The following ANO4 variants were observed in gnomAD, a reference collection of about 807,000 sequenced individuals.
ANO4 encodes anoctamin-4.
A neutral mutation model predicts 141.9 loss-of-function variants in ANO4; 69 were observed. That is an observed-to-expected ratio of 0.49 (90% CI 0.40 to 0.59). The LOEUF (loss-of-function observed/expected upper bound fraction) is 0.59. Ranked by LOEUF, ANO4 falls within the 20% of genes least tolerant of loss-of-function variation. ANO4 has a pLI of 0.00. For missense variants in ANO4, 894 were observed against 1,162.2 expected (o/e 0.77, Z 3.36); for synonymous variants, 350 against 394.3 (o/e 0.89, Z 1.33).
chr12:101,023,201 C>T (rs894392435), intron 9 of ANO4, among the ~76,000 whole-genome samples: 6 of 152,196 alleles, frequency 3.9e-5, no homozygotes, highest in Middle Eastern at 3.4e-3. Context: ...CCTAATTTTG[C>T]GTCTCAAAAT....
rs1336657842 is a variant in ANO4, at chr12:101,108,434, A to C, written c.2150-1970A>C. Reference sequence around the variant, plus strand: ...TTACTTAACTTGTTTTGGGCAAGTTACCTGACCTCTTTGTGCGTCGGTTTC... The same window carrying C: ...TTACTTAACTTGTTTTGGGCAAGTTCCCTGACCTCTTTGTGCGTCGGTTTC... On this transcript the variant is annotated intron_variant, in intron 22 of 27. Coordinates refer to ENST00000392977, the MANE Select transcript of ANO4 (RefSeq NM_001286615.2). Among the ~76,000 whole-genome samples, 4 of 152,142 alleles carry C rather than the reference A, an allele frequency of 2.6e-5. No individual in the cohort carries two copies. The East Asian group carries it at 7.7e-4, about 29-fold the overall frequency.
At chr12:101,046,713 A>G (rs1373023182) in intron 13 of ANO4, among the ~76,000 whole-genome samples, 1 of 151,990 alleles carries the variant, frequency 6.6e-6, no homozygotes, top group African/African-American at 2.4e-5. Flanking sequence ...CCTCATTCAT[A>G]TATTGTCAAA....
intron 2 of ANO4, among the ~76,000 whole-genome samples, chr12:100,917,952 C>T (rs1207816443): frequency 3.3e-5 from 5 of 152,156 alleles, no homozygotes; most frequent in Non-Finnish European, 7.4e-5. Context: ...TATTTTCAGT[C>T]TTAAATCCTG....
intron 7 of ANO4, among the ~76,000 whole-genome samples, chr12:100,985,409 A>G (rs1438867927): frequency 2.0e-5 from 3 of 152,228 alleles, no homozygotes; most frequent in African/African-American, 7.2e-5. Context: ...TTATATATGT[A>G]TTAATAAGTT....
At chr12:101,004,257 A>G (rs2045778643) in intron 8 of ANO4, among the ~76,000 whole-genome samples, 1 of 152,016 alleles carries the variant, frequency 6.6e-6, no homozygotes, top group Non-Finnish European at 1.5e-5. Flanking sequence ...GAGCAAAATG[A>G]AGAGGTTGGG....
At chr12:100,738,014 C>T (rs963102234) in intron 2 of ANO4, among the ~76,000 whole-genome samples, 1 of 152,190 alleles carries the variant, frequency 6.6e-6, no homozygotes, top group African/African-American at 2.4e-5. Flanking sequence ...TTCTGTTTAT[C>T]CATGAGATAC....
At chr12:101,082,709 T>C (rs370280941) in intron 15 of ANO4, among the ~76,000 whole-genome samples, 7 of 152,240 alleles carry the variant, frequency 4.6e-5, no homozygotes, top group African/African-American at 1.7e-4. Context: ...TCCTTCATGC[T>C]ACATGGGCAG....
At chr12:100,848,965 C>G (rs2037725695) in intron 1 of ANO4, among the ~76,000 whole-genome samples, 1 of 152,196 alleles carries the variant, frequency 6.6e-6, no homozygotes, top group South Asian at 2.1e-4. Flanking sequence ...AAGTTGCTTG[C>G]TCAGTTTTCT....
chr12:100,720,426 C>T (rs548922996), intron 1 of ANO4, among the ~76,000 whole-genome samples: 9 of 151,520 alleles, frequency 5.9e-5, no homozygotes, highest in African/African-American at 2.2e-4. Context: ...GTGCAAAGGC[C>T]CTGAGTCAGG....
At chr12:101,042,601 C>A in intron 12 of ANO4, 133 bp downstream of exon 12, 1 of 1,279,848 alleles carries the variant, frequency 7.8e-7, no homozygotes, top group Non-Finnish European at 1.1e-6. Context: ...TGGAAAAACT[C>A]AAAGTTTCAG....
chr12:100,774,804 T>G (rs2033433564), intron 3 of ANO4, among the ~76,000 whole-genome samples: 1 of 152,228 alleles, frequency 6.6e-6, no homozygotes, highest in African/African-American at 2.4e-5. Context: ...TCAGTCACTT[T>G]CCCTATAGCA....
At chr12:101,100,052 C>T (rs772602551) in intron 22 of ANO4, among the ~76,000 whole-genome samples, 5 of 152,304 alleles carry the variant, frequency 3.3e-5, no homozygotes, top group Middle Eastern at 3.4e-3. Flanking sequence ...GTTTCCTCAT[C>T]TCTAAAGTGG....
intron 1 of ANO4, among the ~76,000 whole-genome samples, chr12:100,825,205 G>A (rs922972783): frequency 3.3e-5 from 5 of 151,958 alleles, no homozygotes; most frequent in African/African-American, 9.7e-5. Context: ...GTTTAGGAAG[G>A]AAAATTAATA....
intron 1 of ANO4, among the ~76,000 whole-genome samples, chr12:100,720,528 C>T (rs1281014898): frequency 6.6e-6 from 1 of 151,696 alleles, no homozygotes; most frequent in Non-Finnish European, 1.5e-5. Flanking sequence ...GCAGTCTGAG[C>T]CGGTGTTGTT....
intron 8 of ANO4, among the ~76,000 whole-genome samples, chr12:100,996,242 T>G (rs2045362629): frequency 6.6e-6 from 1 of 152,226 alleles, no homozygotes; most frequent in Non-Finnish European, 1.5e-5. Flanking sequence ...ACACAAAATT[T>G]GCTTTCACGC....
intron 9 of ANO4, among the ~76,000 whole-genome samples, chr12:101,023,018 C>A (rs2046594846): frequency 6.6e-6 from 1 of 152,184 alleles, no homozygotes; most frequent in Non-Finnish European, 1.5e-5. Flanking sequence ...CTTTATGAGA[C>A]ACTAGTGTAT....
chr12:101,067,013 A>AG (rs2048621644), intron 14 of ANO4: 2 of 583,968 alleles, frequency 3.4e-6, no homozygotes, highest in Admixed American at 3.0e-5. Flanking sequence ...AAAAAAAAAA[A>AG]AAAAGAAAGA....
intron 14 of ANO4, among the ~76,000 whole-genome samples, chr12:101,077,118 A>G (rs552918879): frequency 6.6e-6 from 1 of 152,306 alleles, no homozygotes; most frequent in East Asian, 1.9e-4. Context: ...GAATTTTAGT[A>G]CATGCTAAGC....
chr12:100,763,068 G>A (rs2032942925), intron 3 of ANO4, among the ~76,000 whole-genome samples: 1 of 152,178 alleles, frequency 6.6e-6, no homozygotes, highest in Admixed American at 6.6e-5. Flanking sequence ...GGTGAGCAGG[G>A]ATTTGAACCA....
Sources: gnomAD v4.1 joint callset for allele counts (sites outside exome capture counted in the v4.1 genomes callset) on GRCh38, gnomAD v4.1.1 for gene constraint, MANE v1.5 for transcripts, NCBI Gene and HGNC (gene_info 2026-07-23, HGNC 2026-07-21) for gene names.